AVIL: variants seen among roughly 807,000 people sequenced by gnomAD.
AVIL encodes advillin.
In AVIL, 78 loss-of-function variants were observed where a neutral mutation model predicts 109.9. The observed-to-expected ratio is 0.71, with a 90% CI of 0.59 to 0.86. The LOEUF is 0.86. Among genes scored for constraint, AVIL ranks in the 40% least tolerant of loss-of-function variants. AVIL has a pLI of 0.00. For missense variants in AVIL, 892 were observed against 1,016.5 expected (o/e 0.88, Z 1.67); for synonymous variants, 367 against 379.1 (o/e 0.97, Z 0.37).
Position 57,803,304 on chromosome 12 carries a change from G to A in AVIL, c.1905C>T (p.Asp635=). 1 of 1,614,196 alleles carries A rather than the reference G, an allele frequency of 6.2e-7. No individual in the cohort carries two copies. The highest frequency in any genetic ancestry group is 8.5e-7 in the Non-Finnish European group (1 of 1,180,038). Residue 635 remains aspartate (D), a synonymous_variant, in exon 16 of 20, where the codon GAC becomes GAT. Coordinates refer to ENST00000549994, the MANE Select transcript of AVIL (RefSeq NM_006576.4). The stretch of plus-strand genomic sequence containing the variant: ...TAGGGTTCAGGTCATCCTGGGTGAA[G>A]TCTGTGATCTCAGTGACAACGAATT... ...TGQFVVTEIT[D]FTQDDLNPTD... is the part of the protein sequence containing the mutation.
rs752704688 is a variant in AVIL at position 57,813,320 on chromosome 12, A to C, written c.245T>G (p.Leu82Arg). The change falls in exon 4 of 20, where the codon CTG (leucine) becomes CGG (arginine). Residue 82 changes from leucine (L) to arginine (R), a missense_variant. By Grantham distance (102) the Leu-to-Arg change is moderately radical. Transcript: ENST00000549994. ...AGGGCTGCCTCCCAGGTAGTCGTCC[A>C]GCTGTGTGGTATATATGGCTGCGCA... is the stretch of plus-strand genomic sequence containing the variant. ...QSCAAIYTTQ[L>R]DDYLGGSPVQ... 1 of 1,614,094 alleles carries C rather than the reference A, an allele frequency of 6.2e-7. No homozygotes were observed. The highest frequency in any genetic ancestry group is 2.2e-5 in the East Asian group (1 of 44,860).
rs1026810791 is a variant in AVIL at position 57,801,050 on chromosome 12, A to G, written c.2220+94T>C. 3.0e-6 allele frequency: 3 copies of G among 1,013,174 alleles called. No individual in the cohort carries two copies. In the Admixed American group the frequency reaches 6.0e-5, roughly 20 times the overall value. 62.8% of individuals were successfully genotyped at this position (1,013,174 alleles called of 1,614,324 possible). A position where few individuals can be genotyped will look rare whatever the true frequency, so the allele number is the denominator to read the frequency against. On this transcript the variant is annotated intron_variant, in intron 18 of 19. Transcript: ENST00000549994. ...AGACAACTATGGTAATACTAAGGAC[A>G]TGAGTTTTGCCTGTGAGCATCTGTA...
intron 19 of AVIL, among the ~76,000 whole-genome samples, 180 bp downstream of exon 19, chr12:57,799,615 A>G (rs1955805334): frequency 6.6e-6 from 1 of 152,242 alleles, no homozygotes; most frequent in African/African-American, 2.4e-5. Flanking sequence ...AGACTGATGT[A>G]GGTGGAGAGA....
In AVIL at chr12:57,803,291, C is replaced by T. The variant is rs1012399728; in HGVS notation, c.1918G>A (p.Asp640Asn). 2 of 1,614,168 alleles carry T rather than the reference C, an allele frequency of 1.2e-6. No homozygotes were observed. Among genetic ancestry groups the T allele is most frequent in the South Asian group, 1.1e-5 (1 of 91,074 alleles). Residue 640 changes from aspartate (D) to asparagine (N), a missense_variant, in exon 16 of 20, where the codon GAC becomes AAC. Coordinates refer to ENST00000549994, the MANE Select transcript of AVIL (RefSeq NM_006576.4). ...AGCATCACGTCAGTAGGGTTCAGGT[C>T]ATCCTGGGTGAAGTCTGTGATCTCA... ...VTEITDFTQD[D>N]LNPTDVMLLD...
chr12:57,808,396 A>G lies in AVIL; in HGVS notation c.1092T>C (p.Ile364=), dbSNP rs544964496. 6.2e-7 allele frequency: 1 copy of G among 1,613,984 alleles called. No homozygotes were observed. Among genetic ancestry groups the G allele is most frequent in the Admixed American group, 1.7e-5 (1 of 59,994 alleles). Residue 364 remains isoleucine, a splice_region_variant and synonymous_variant, in exon 10 of 20, where the codon ATT becomes ATC. Transcript: ENST00000549994. ...AGGATGATCTGGGGGCAGTCTCACC[A>G]ATTTTACCAATGCTGAACGTTTTCC... The part of the protein sequence containing the change: ...GLGKTFSIGK[I]AKVFQDKFDV...
intron 18 of AVIL, chr12:57,800,725 A>T (rs1955828287): frequency 6.4e-6 from 1 of 155,842 alleles, no homozygotes; most frequent in African/African-American, 2.4e-5. Context: ...CTCCTGTCTC[A>T]GCCTCCCGAG....
chr12:57,809,785 A>G, intron 8 of AVIL, 27 bp downstream of exon 8: 1 of 1,613,892 alleles, frequency 6.2e-7, no homozygotes, highest in Non-Finnish European at 8.5e-7. Flanking sequence ...GGCTACCCCA[A>G]GCTAAGTCCA....
intron 11 of AVIL, 41 bp from the exon 12 acceptor site, chr12:57,807,768 G>A (rs776334750): frequency 7.4e-6 from 12 of 1,613,228 alleles, no homozygotes; most frequent in South Asian, 1.1e-5. Context: ...AGATGGGGGT[G>A]CTGAGAGGGG....
At chr12:57,811,539 C>T (rs1012998285) in intron 4 of AVIL, among the ~76,000 whole-genome samples, 7 of 152,208 alleles carry the variant, frequency 4.6e-5, no homozygotes, top group African/African-American at 1.7e-4. Context: ...AATGACTCCA[C>T]GGCCTTAAGA....
chr12:57,815,242 G>A (rs1319393980), intron 2 of AVIL, among the ~76,000 whole-genome samples: 1 of 152,172 alleles, frequency 6.6e-6, no homozygotes, highest in Non-Finnish European at 1.5e-5. Flanking sequence ...GTGAGCCACC[G>A]CACCCCGCCA....
intron 1 of AVIL, among the ~76,000 whole-genome samples, chr12:57,817,607 G>A (rs1203726731): frequency 6.6e-6 from 1 of 151,966 alleles, no homozygotes. Flanking sequence ...AGGGGAAGGG[G>A]ACAAGGGCCA....
chr12:57,801,382 G>A, intron 17 of AVIL, 170 bp from the exon 18 acceptor site: 1 of 533,922 alleles, frequency 1.9e-6, no homozygotes, highest in Admixed American at 3.4e-5. Flanking sequence ...GGCTTGAAAG[G>A]TGCTTAAACA....
At chr12:57,815,910 C>T (rs1204712719) in intron 2 of AVIL, 65 bp downstream of exon 2, 1 of 1,609,694 alleles carries the variant, frequency 6.2e-7, no homozygotes, top group Non-Finnish European at 8.5e-7. Context: ...GCCTAGCAGC[C>T]CCAGGCAGCC....
intron 14 of AVIL, among the ~76,000 whole-genome samples, chr12:57,805,287 C>T (rs1017764400): frequency 1.3e-5 from 2 of 152,084 alleles, no homozygotes; most frequent in Non-Finnish European, 2.9e-5. Context: ...AAACTCCTGA[C>T]CTCAGGTGAT....
intron 16 of AVIL, 156 bp from the exon 17 acceptor site, chr12:57,802,504 C>T: frequency 1.1e-6 from 1 of 887,168 alleles, no homozygotes; most frequent in Non-Finnish European, 1.8e-6. Flanking sequence ...GAAAGGTTTT[C>T]CCAGAATCAG....
chr12:57,806,060 C>T (rs1018299107), intron 14 of AVIL: 30 of 300,856 alleles, frequency 1.0e-4, no homozygotes, highest in Middle Eastern at 2.2e-3. Context: ...TGGTCTCGAA[C>T]TCCTGACCTC....
intron 16 of AVIL, 42 bp downstream of exon 16, chr12:57,803,204 TG>T: frequency 1.2e-6 from 2 of 1,612,202 alleles, no homozygotes; most frequent in Non-Finnish European, 1.7e-6. Context: ...ACCCTTACTG[TG>T]GGAGTCTTTC....
In AVIL at chr12:57,802,255, G is replaced by A. The variant is rs183442787; in HGVS notation, c.2056C>T (p.Arg686Ter). 24 of 1,614,116 alleles carry A rather than the reference G, an allele frequency of 1.5e-5. No individual in the cohort carries two copies. Among genetic ancestry groups the A allele is most frequent in the South Asian group, 5.5e-5 (5 of 91,060 alleles). The part of the protein sequence containing the change: ...QQYLHTHPSG[R>*]DPDTPILIIK... Reference sequence around the variant, plus strand: ...ATCAGGATTGGTGTGTCGGGATCTCGGCCGCTGGGGTGAGTGTGCAGGTAC... The same window carrying A: ...ATCAGGATTGGTGTGTCGGGATCTCAGCCGCTGGGGTGAGTGTGCAGGTAC... Residue 686 changes from arginine to a stop codon, truncating the protein, a stop_gained, in exon 17 of 20, where the codon CGA (arginine) becomes TGA (stop). Coordinates refer to ENST00000549994, the MANE Select transcript of AVIL (RefSeq NM_006576.4). LOFTEE classifies it high-confidence loss of function.
At chr12:57,813,956 C>T (rs1254768575) in intron 3 of AVIL, among the ~76,000 whole-genome samples, 196 bp downstream of exon 3, 1 of 152,180 alleles carries the variant, frequency 6.6e-6, no homozygotes, top group Non-Finnish European at 1.5e-5. Flanking sequence ...CCCCCATCCT[C>T]TTATGCAGCA....
Sources: gnomAD v4.1 joint callset for allele counts (sites outside exome capture counted in the v4.1 genomes callset) on GRCh38, gnomAD v4.1.1 for gene constraint, MANE v1.5 for transcripts, NCBI Gene and HGNC (gene_info 2026-07-23, HGNC 2026-07-21) for gene names.